Variants in MYO1A observed in about 807,000 individuals in gnomAD.
MYO1A encodes the protein unconventional myosin-Ia.
MYO1A carries 127 observed loss-of-function variants against 138.5 expected under a neutral mutation model. The ratio of observed to expected loss-of-function variants is 0.92; its 90% CI spans 0.79 to 1.06. MYO1A has a LOEUF of 1.06. Ranked by LOEUF, MYO1A falls within the 50% of genes least tolerant of loss-of-function variation. The pLI, the probability that MYO1A is intolerant of heterozygous loss-of-function variation, is 0.00. For synonymous variants in MYO1A, 477 were observed against 497.5 expected, an observed-to-expected ratio of 0.96 and a Z score of 0.55; for missense variants, 1,211 against 1,288.8, an observed-to-expected ratio of 0.94 and a Z score of 0.92.
At chr12:57,049,491 A>G (rs971284022) in intron 1 of MYO1A, among the ~76,000 whole-genome samples, 5 of 152,230 alleles carry the variant, frequency 3.3e-5, no homozygotes. Context: ...CTAGGAAAAG[A>G]GAGCACTTGT....
intron 21 of MYO1A, 58 bp downstream of exon 21, chr12:57,036,714 C>T (rs2030564678): frequency 1.3e-6 from 2 of 1,593,180 alleles, no homozygotes; most frequent in Admixed American, 1.7e-5. Context: ...CTCTAGCCAG[C>T]AGGTGACACA....
Position 57,037,979 on chromosome 12 carries a change from G to T in MYO1A, c.1851C>A (p.Asn617Lys), listed in dbSNP as rs149942632. 4 of 1,614,078 alleles carry T rather than the reference G, an allele frequency of 2.5e-6. No homozygotes were observed. The highest frequency in any genetic ancestry group is 3.4e-6 in the Non-Finnish European group (4 of 1,180,042). ...CATAGCCTGCCCGTCGCACCCGTAC[G>T]TTCTCCAGCAGTCCCAGGTACCGAG... is the stretch of plus-strand genomic sequence containing the variant. ...TQARYLGLLE[N>K]VRVRRAGYAH... The change falls in exon 18 of 28, where the codon AAC (asparagine) becomes AAA (lysine). Residue 617 changes from asparagine to lysine, a missense_variant. Asn to Lys is a moderately conservative substitution (Grantham distance 94, BLOSUM62 0). Coordinates refer to ENST00000300119, the MANE Select transcript of MYO1A (RefSeq NM_005379.4).
At chr12:57,036,554 A>G (rs1194269862) in intron 21 of MYO1A, among the ~76,000 whole-genome samples, 173 bp from the exon 22 acceptor site, 1 of 152,172 alleles carries the variant, frequency 6.6e-6, no homozygotes, top group Non-Finnish European at 1.5e-5. Flanking sequence ...AGCAGAAGGC[A>G]AAGTTCTGCT....
chr12:57,041,308 T>C lies in MYO1A; in HGVS notation c.1165-20A>G, dbSNP rs372910935. ...ATTATCCTGAGAGAGGGAGCACAGG[T>C]TAGAGAGCTCACTCCAAGACTGTTT... On this transcript the variant is annotated intron_variant, in intron 13 of 27. Coordinates refer to ENST00000300119, the MANE Select transcript of MYO1A (RefSeq NM_005379.4). 1.9e-5 allele frequency: 31 copies of C among 1,606,710 alleles called. No individual in the cohort carries two copies. Among genetic ancestry groups the C allele is most frequent in the South Asian group, 1.9e-4 (17 of 90,904 alleles).
intron 19 of MYO1A, 78 bp downstream of exon 19, chr12:57,037,470 C>G: frequency 8.0e-7 from 1 of 1,251,336 alleles, no homozygotes; most frequent in Non-Finnish European, 1.2e-6. Flanking sequence ...TATACACGCT[C>G]CCTCCCCCTC....
chr12:57,036,285 C>A (rs1172989694), intron 22 of MYO1A, 22 bp downstream of exon 22: 2 of 1,611,578 alleles, frequency 1.2e-6, no homozygotes, highest in South Asian at 1.1e-5. Context: ...CCCTAACATC[C>A]ACCCTAACCC....
Position 57,029,729 on chromosome 12 carries a change from C to T in MYO1A, c.2724+11G>A. The T allele has an allele frequency of 6.2e-7, 1 of 1,614,224 alleles. No individual in the cohort carries two copies. Among genetic ancestry groups the T allele is most frequent in the Non-Finnish European group, 8.5e-7 (1 of 1,180,044 alleles). On this transcript the variant is annotated intron_variant, in intron 25 of 27. Transcript: ENST00000300119. ...CTAGCTGCGGGAGGAGTTCAGCCTG[C>T]AGGCCCTTACCTTGCCATTGCCACG...
intron 22 of MYO1A, among the ~76,000 whole-genome samples, chr12:57,035,302 G>C (rs1414988249): frequency 1.3e-5 from 2 of 152,236 alleles, no homozygotes; most frequent in African/African-American, 4.8e-5. Context: ...ACCAGCACAA[G>C]AGGTGATCAG....
chr12:57,039,339 G>C, intron 14 of MYO1A, 65 bp from the exon 15 acceptor site: 2 of 1,257,004 alleles, frequency 1.6e-6, no homozygotes, highest in Non-Finnish European at 2.3e-6. Flanking sequence ...GACCTCACCA[G>C]ATCTAGCCTT....
Position 57,029,116 on chromosome 12 carries a change from C to A in MYO1A, c.3005+16G>T, listed in dbSNP as rs189429513. 1.2e-5 allele frequency: 19 copies of A among 1,614,018 alleles called. No homozygotes were observed. Among genetic ancestry groups the A allele is most frequent in the African/African-American group, 4.0e-5 (3 of 74,908 alleles). On this transcript the variant is annotated intron_variant, in intron 27 of 27. Coordinates refer to ENST00000300119, the MANE Select transcript of MYO1A (RefSeq NM_005379.4). ...TCTACCGTAAGCCGCCCCTCACCCC[C>A]AGTTCATGGCCTCACTTCTCAGTCA...
chr12:57,036,412 G>C, intron 21 of MYO1A, 31 bp from the exon 22 acceptor site: 7 of 1,599,716 alleles, frequency 4.4e-6, no homozygotes, highest in Non-Finnish European at 6.0e-6. Flanking sequence ...AGGAGCCAAA[G>C]TGAAGATAGG....
rs1444929873 is a variant in MYO1A at position 57,030,336 on chromosome 12, G to A, written c.2485-20C>T. The A allele has an allele frequency of 6.2e-7, 1 of 1,604,482 alleles. No individual in the cohort carries two copies. The highest frequency in any genetic ancestry group is 8.5e-7 in the Non-Finnish European group (1 of 1,171,282). On this transcript the variant is annotated intron_variant, in intron 23 of 27. Coordinates refer to ENST00000300119, the MANE Select transcript of MYO1A (RefSeq NM_005379.4). ...CTTGCACTGTGAGGAAGGAGGGACA[G>A]GAGCTAAAATCATAGAGTGGGAGGG... is the stretch of plus-strand genomic sequence containing the variant.
In MYO1A at chr12:57,047,717, C is replaced by T. The variant is rs147101055; in HGVS notation, c.235G>A (p.Ala79Thr). 21 of 1,614,154 alleles carry T rather than the reference C, an allele frequency of 1.3e-5. No homozygotes were observed. The highest frequency in any genetic ancestry group is 4.5e-5 in the East Asian group (2 of 44,872). Residue 79 changes from alanine (A) to threonine (T), a missense_variant, in exon 4 of 28, where the codon GCA becomes ACA. Transcript: ENST00000300119. ...TFYELKPHIY[A>T]LANVAYQSLR... is the part of the protein sequence containing the mutation. ...GACTGGTACGCCACATTTGCCAATGCGTAGCTTGTGGGGAGGAAGTGGGCA... is the reference window on the plus strand; with the variant it reads ...GACTGGTACGCCACATTTGCCAATGTGTAGCTTGTGGGGAGGAAGTGGGCA...
upstream of MYO1A, among the ~76,000 whole-genome samples, chr12:57,050,360 A>G (rs2031294931): frequency 2.0e-5 from 3 of 152,230 alleles, no homozygotes; most frequent in Admixed American, 6.5e-5. Context: ...GCCAAGGAAA[A>G]TATTTCCCAA....
In MYO1A at chr12:57,028,825, G is replaced by C. The variant is rs745951847; in HGVS notation, c.3062C>G (p.Ala1021Gly). ...SVAVKVVQGP[A>G]GGDNSKLRYK... ...GCGTAGCTTGCTGTTGTCACCACCT[G>C]CAGGGCCCTGGACGACCTTGACAGC... is the stretch of plus-strand genomic sequence containing the variant. The change falls in exon 28 of 28, where the codon GCA (alanine) becomes GGA (glycine). Residue 1021 changes from alanine (A) to glycine (G), a missense_variant. Transcript: ENST00000300119. 5 of 1,613,862 alleles carry C rather than the reference G, an allele frequency of 3.1e-6. No homozygotes were observed. In the Admixed American group the frequency reaches 8.3e-5, roughly 27 times the overall value.
intron 8 of MYO1A, among the ~76,000 whole-genome samples, chr12:57,045,877 G>A (rs914303842): frequency 4.0e-5 from 6 of 151,406 alleles, no homozygotes; most frequent in South Asian, 4.1e-4. Flanking sequence ...AGCTGCACAG[G>A]CCTGATGGCC....
Position 57,036,760 on chromosome 12 carries a change from A to C in MYO1A, c.2274+12T>G. On this transcript the variant is annotated intron_variant, in intron 21 of 27. Transcript: ENST00000300119. ...AACAATGTGAGGAAACCTCTCTTCC[A>C]CTCTCCATTACCTTCCACCCTCTCA... 1 of 1,613,698 alleles carries C rather than the reference A, an allele frequency of 6.2e-7. No individual in the cohort carries two copies. The highest frequency in any genetic ancestry group is 8.5e-7 in the Non-Finnish European group (1 of 1,179,808).
At chr12:57,046,711 C>T in intron 7 of MYO1A, 61 bp from the exon 8 acceptor site, 5 of 1,496,796 alleles carry the variant, frequency 3.3e-6, no homozygotes, top group Non-Finnish European at 4.7e-6. Context: ...GCTTCTCCAG[C>T]CCTACTGGAG....
chr12:57,037,052 G>A lies in MYO1A; in HGVS notation c.2095C>T (p.Gln699Ter), dbSNP rs1176640914. 3 of 1,614,050 alleles carry A rather than the reference G, an allele frequency of 1.9e-6. No homozygotes were observed. Among genetic ancestry groups the A allele is most frequent in the Non-Finnish European group, 2.5e-6 (3 of 1,180,028 alleles). Residue 699 changes from glutamine (Q) to a stop codon, truncating the protein, a stop_gained, in exon 20 of 28, where the codon CAG becomes TAG. Transcript: ENST00000300119. LOFTEE classifies it high-confidence loss of function. ...LEEQRRLRLQQLATLIQKIYR... is the reference protein window; with the variant it reads ...LEEQRRLRLQ Reference sequence around the variant, plus strand: ...ATCTTCTGTATGAGTGTGGCCAGCTGCTGGAGTCTCAGGCGCCTCTGTTCT... The same window carrying A: ...ATCTTCTGTATGAGTGTGGCCAGCTACTGGAGTCTCAGGCGCCTCTGTTCT...
Sources: allele counts gnomAD v4.1 joint callset (sites outside exome capture counted in the v4.1 genomes callset), GRCh38; gene constraint gnomAD v4.1.1; transcripts MANE v1.5; gene names NCBI Gene and HGNC (gene_info 2026-07-23, HGNC 2026-07-21).